SRGAP1: variants seen among roughly 807,000 people sequenced by gnomAD.
SRGAP1 encodes the protein SLIT-ROBO Rho GTPase activating protein 1.
A neutral mutation model predicts 121.9 loss-of-function variants in SRGAP1; 43 were observed. The ratio of observed to expected loss-of-function variants is 0.35; its 90% CI spans 0.28 to 0.46. SRGAP1 has a LOEUF of 0.46. SRGAP1 is among the 20% of genes least tolerant of loss of function. The pLI is 1.00. For synonymous variants in SRGAP1, 447 were observed against 485.4 expected (o/e 0.92, Z 1.04); for missense variants, 1,102 against 1,350.9 (o/e 0.82, Z 2.89).
chr12:63,867,573 TATG>T (rs1226570039), intron 1 of SRGAP1, among the ~76,000 whole-genome samples: 2 of 152,120 alleles, frequency 1.3e-5, no homozygotes, highest in African/African-American at 2.4e-5. Context: ...GAAAAATTGA[TATG>T]ATGAATCAAT....
At chr12:64,035,020 C>T (rs1187195060) in intron 4 of SRGAP1, among the ~76,000 whole-genome samples, 1 of 149,856 alleles carries the variant, frequency 6.7e-6, no homozygotes, top group Non-Finnish European at 1.5e-5. Context: ...ATCAGCAACT[C>T]TTTCAGCCCT....
At chr12:64,065,464 A>C (rs2035520822) in intron 8 of SRGAP1, among the ~76,000 whole-genome samples, 2 of 152,194 alleles carry the variant, frequency 1.3e-5, no homozygotes. Flanking sequence ...TTTTTACCTT[A>C]AATTGTAATT....
At chr12:64,083,677 G>A (rs1280722150) in intron 10 of SRGAP1, among the ~76,000 whole-genome samples, 3 of 152,134 alleles carry the variant, frequency 2.0e-5, no homozygotes, top group African/African-American at 7.2e-5. Flanking sequence ...CAGTAAATGA[G>A]ATATACATCT....
At chr12:64,095,630 G>T (rs1048402425) in intron 14 of SRGAP1, among the ~76,000 whole-genome samples, 1 of 152,120 alleles carries the variant, frequency 6.6e-6, no homozygotes, top group African/African-American at 2.4e-5. Context: ...CCTAGGGGGT[G>T]CCTTATGCTT....
intron 1 of SRGAP1, among the ~76,000 whole-genome samples, chr12:63,976,393 T>G (rs982267910): frequency 2.6e-5 from 4 of 152,198 alleles, no homozygotes; most frequent in African/African-American, 9.6e-5. Flanking sequence ...CACCTCTTTG[T>G]GCCCTTGCCT....
chr12:64,014,000 G>A (rs950497307), intron 3 of SRGAP1, among the ~76,000 whole-genome samples: 1 of 152,166 alleles, frequency 6.6e-6, no homozygotes, highest in African/African-American at 2.4e-5. Flanking sequence ...TCACTCAAGG[G>A]AGTTGCCATA....
In SRGAP1 at chr12:64,152,727, A is replaced by G. The variant is rs1272034986; in HGVS notation, c.*10055A>G. ...CCTGACAACTGCCTGTTGAAATTAT[A>G]TTCATCATTCCAAACCCAACAAAAT... On this transcript the variant is annotated 3_prime_UTR_variant, in exon 22 of 22. Coordinates refer to ENST00000355086, the MANE Select transcript of SRGAP1 (RefSeq NM_020762.4). 1.3e-5 allele frequency: 2 copies of G among 152,120 alleles called. No individual in the cohort carries two copies. The highest frequency in any genetic ancestry group is 6.5e-5 in the Admixed American group (1 of 15,268). 9.4% of individuals were successfully genotyped at this position (152,120 alleles called of 1,614,324 possible).
chr12:63,880,308 T>G (rs1900154217), intron 1 of SRGAP1, among the ~76,000 whole-genome samples: 1 of 152,166 alleles, frequency 6.6e-6, no homozygotes, highest in Admixed American at 6.5e-5. Flanking sequence ...CTCAGCTCAC[T>G]GCAACCTCCG....
Position 64,091,389 on chromosome 12 carries a change from C to A in SRGAP1, c.1539+11C>A, listed in dbSNP as rs1268649436. On this transcript the variant is annotated intron_variant, in intron 12 of 21. Transcript: ENST00000355086. ...GAAACATTCGTCAAGGTACTGGCACCAGCCATCTGGGTGGCTGATCTCCAT... is the reference window on the plus strand; with the variant it reads ...GAAACATTCGTCAAGGTACTGGCACAAGCCATCTGGGTGGCTGATCTCCAT... The A allele has an allele frequency of 1.9e-6, 3 of 1,588,818 alleles. No individual in the cohort carries two copies. In the South Asian group the frequency reaches 3.4e-5, roughly 18 times the overall value.
intron 3 of SRGAP1, among the ~76,000 whole-genome samples, chr12:63,998,480 A>G (rs763276983): frequency 4.6e-5 from 7 of 152,264 alleles, no homozygotes; most frequent in South Asian, 2.1e-4. Context: ...TCTCTGTTCT[A>G]TCACAGATTG....
chr12:64,048,345 T>C (rs2035174873), intron 6 of SRGAP1, among the ~76,000 whole-genome samples: 1 of 152,184 alleles, frequency 6.6e-6, no homozygotes, highest in Non-Finnish European at 1.5e-5. Context: ...TTCTTTTTCA[T>C]GGCCGAATAG....
At chr12:63,909,189 A>G (rs1038448914) in intron 1 of SRGAP1, among the ~76,000 whole-genome samples, 1 of 152,204 alleles carries the variant, frequency 6.6e-6, no homozygotes, top group Non-Finnish European at 1.5e-5. Context: ...CGCCGGGCCT[A>G]CAATAAGAAT....
rs1266625587 is a variant in SRGAP1, at chr12:64,158,943, C to G, written c.*16271C>G. On this transcript the variant is annotated 3_prime_UTR_variant, in exon 22 of 22. Coordinates refer to ENST00000355086, the MANE Select transcript of SRGAP1 (RefSeq NM_020762.4). ...ATGATAAGAACCCTCTCTGCCCCAC[C>G]ATTCACATCATTCAGTGGATCTATG... 1 of 152,126 alleles carries G rather than the reference C, an allele frequency of 6.6e-6. No individual in the cohort carries two copies. The highest frequency in any genetic ancestry group is 1.5e-5 in the Non-Finnish European group (1 of 68,040). 9.4% of individuals were successfully genotyped at this position (152,126 alleles called of 1,614,324 possible).
intron 3 of SRGAP1, among the ~76,000 whole-genome samples, chr12:64,000,277 A>AGTGTGTGTGTGT (rs747929850): frequency 3.1e-4 from 26 of 83,434 alleles, no homozygotes; most frequent in African/African-American, 6.1e-4. Context: ...TGTGTGTGTA[A>AGTGTGTGTGTGT]AAAAAAAAAA....
chr12:63,932,552 G>A (rs2031517294), intron 1 of SRGAP1, among the ~76,000 whole-genome samples: 1 of 152,106 alleles, frequency 6.6e-6, no homozygotes, highest in African/African-American at 2.4e-5. Context: ...TTCTTTTCAT[G>A]AATGAATGAA....
At chr12:63,947,932 C>A (rs751675841) in intron 1 of SRGAP1, among the ~76,000 whole-genome samples, 1 of 152,100 alleles carries the variant, frequency 6.6e-6, no homozygotes, top group East Asian at 1.9e-4. Flanking sequence ...TTTCATACAT[C>A]CCCATCATCA....
intron 1 of SRGAP1, among the ~76,000 whole-genome samples, chr12:63,982,139 A>G (rs2033270874): frequency 6.6e-6 from 1 of 152,006 alleles, no homozygotes; most frequent in Non-Finnish European, 1.5e-5. Context: ...TGGACCCGGG[A>G]GGCGGAGCTT....
At chr12:64,130,878 C>T (rs1314589217) in intron 21 of SRGAP1, among the ~76,000 whole-genome samples, 1 of 152,178 alleles carries the variant, frequency 6.6e-6, no homozygotes. Flanking sequence ...GAGGACAAAC[C>T]TCTGCCCTTT....
At chr12:64,042,266 A>C (rs537049470) in intron 4 of SRGAP1, among the ~76,000 whole-genome samples, 2 of 152,258 alleles carry the variant, frequency 1.3e-5, no homozygotes, top group South Asian at 4.1e-4. Flanking sequence ...TACATTGAAC[A>C]TAAAAAATAT....
Sources: allele counts gnomAD v4.1 joint callset (sites outside exome capture counted in the v4.1 genomes callset), GRCh38; gene constraint gnomAD v4.1.1; transcripts MANE v1.5; gene names NCBI Gene and HGNC (gene_info 2026-07-23, HGNC 2026-07-21).